PIBF1: variants seen among roughly 807,000 people sequenced by gnomAD.
PIBF1 encodes progesterone immunomodulatory binding factor 1, also known as progesterone-induced-blocking factor 1.
A neutral mutation model predicts 112.5 loss-of-function variants in PIBF1; 90 were observed. The ratio of observed to expected loss-of-function variants is 0.80; its 90% CI spans 0.67 to 0.95. PIBF1 has a LOEUF of 0.95. Ranked by LOEUF, PIBF1 falls within the 40% of genes least tolerant of loss-of-function variation. PIBF1 has a pLI of 0.00. For missense variants in PIBF1, 915 were observed against 852.3 expected, an observed-to-expected ratio of 1.07 and a Z score of -0.92; for synonymous variants, 301 against 288.6, an observed-to-expected ratio of 1.04 and a Z score of -0.44.
At chr13:72,807,178 C>CA (rs35154761) in intron 5 of PIBF1, among the ~76,000 whole-genome samples, 30,777 of 138,328 alleles carry the variant, frequency 0.22, 3,514 homozygotes, top group Non-Finnish European at 0.27. Context: ...GGATAAGAGC[C>CA]AAAAAAAAAA....
intron 3 of PIBF1, among the ~76,000 whole-genome samples, chr13:72,793,005 T>C (rs2035015016): frequency 6.6e-6 from 1 of 152,222 alleles, no homozygotes; most frequent in Non-Finnish European, 1.5e-5. Flanking sequence ...AAATAAATTC[T>C]TTGGAACGAT....
At chr13:72,785,842 T>C (rs1201473619) in intron 2 of PIBF1, among the ~76,000 whole-genome samples, 4 of 152,216 alleles carry the variant, frequency 2.6e-5, no homozygotes, top group African/African-American at 9.6e-5. Flanking sequence ...CAGCCACCTC[T>C]TGTATTATTT....
At chr13:72,871,073 T>C (rs1020371342) in intron 10 of PIBF1, among the ~76,000 whole-genome samples, 5 of 152,124 alleles carry the variant, frequency 3.3e-5, no homozygotes, top group Non-Finnish European at 7.3e-5. Flanking sequence ...GTCCAGATGA[T>C]TGGTAACTAT....
intron 2 of PIBF1, among the ~76,000 whole-genome samples, chr13:72,784,292 A>T (rs1007935645): frequency 7.3e-5 from 11 of 151,172 alleles, no homozygotes; most frequent in African/African-American, 2.7e-4. Flanking sequence ...AAAAAAAAAA[A>T]AAAATTAGCC....
At chr13:73,010,496 G>C (rs948627964) in intron 17 of PIBF1, among the ~76,000 whole-genome samples, 4 of 151,962 alleles carry the variant, frequency 2.6e-5, no homozygotes, top group Non-Finnish European at 2.9e-5. Flanking sequence ...CCAGCTACTC[G>C]GGAGGCTGAG....
chr13:72,800,899 G>T (rs1039721643), intron 5 of PIBF1, among the ~76,000 whole-genome samples: 2 of 152,184 alleles, frequency 1.3e-5, no homozygotes, highest in Admixed American at 1.3e-4. Flanking sequence ...ATTCTGTAAG[G>T]TTGGCTAGTA....
rs898975675 is a variant in PIBF1 at position 72,998,932 on chromosome 13, A to G, written c.2160A>G (p.Ser720=). 2 of 1,612,472 alleles carry G rather than the reference A, an allele frequency of 1.2e-6. No homozygotes were observed. The highest frequency in any genetic ancestry group is 1.7e-6 in the Non-Finnish European group (2 of 1,178,798). ...EPKHVTENQK[S]KTLNVPKEHE... is the part of the protein sequence containing the mutation. ...AACATGTGACAGAAAATCAGAAATC[A>G]AAGACTTTGAATGTGCCTAAAGAGC... The change falls in exon 17 of 18, where the codon TCA becomes TCG. Residue 720 remains serine (S), a synonymous_variant. Transcript: ENST00000326291.
chr13:72,928,484 G>T (rs918760646), intron 13 of PIBF1, among the ~76,000 whole-genome samples: 8 of 152,094 alleles, frequency 5.3e-5, no homozygotes, highest in African/African-American at 1.9e-4. Flanking sequence ...TTGTCCCCCA[G>T]GCTGGAGTGT....
chr13:72,971,953 TAAA>T lies in PIBF1; in HGVS notation c.1965-1626_1965-1624del, dbSNP rs57192140. ...GATTGCCTACTACTGTTTCTTGAAT[TAAA>T]AAAAAAAAAAAGTCTGCCAAATATT... On this transcript the variant is annotated intron_variant, in intron 15 of 17. Coordinates refer to ENST00000326291, the MANE Select transcript of PIBF1 (RefSeq NM_006346.4). Among the ~76,000 whole-genome samples, 70 of 146,636 alleles carry T rather than the reference TAAA, an allele frequency of 4.8e-4. 1 individual carries two copies. The highest frequency in any genetic ancestry group is 3.2e-3 in the Middle Eastern group (1 of 308).
At chr13:72,956,399 G>T (rs1477878044) in intron 14 of PIBF1, among the ~76,000 whole-genome samples, 2 of 151,992 alleles carry the variant, frequency 1.3e-5, no homozygotes, top group Admixed American at 1.3e-4. Flanking sequence ...ACATACATGG[G>T]GGAAGTGGTA....
intron 3 of PIBF1, among the ~76,000 whole-genome samples, chr13:72,794,218 T>G (rs2035078025): frequency 6.6e-6 from 1 of 152,190 alleles, no homozygotes; most frequent in African/African-American, 2.4e-5. Context: ...TCATTTGCAA[T>G]TTAGATGTCA....
At chr13:72,838,762 A>G (rs2037467983) in intron 9 of PIBF1, among the ~76,000 whole-genome samples, 1 of 152,228 alleles carries the variant, frequency 6.6e-6, no homozygotes, top group Non-Finnish European at 1.5e-5. Flanking sequence ...CAGTTTGTCA[A>G]TACGGACTCA....
chr13:72,805,397 C>T (rs1453967932), intron 5 of PIBF1, among the ~76,000 whole-genome samples: 1 of 152,194 alleles, frequency 6.6e-6, no homozygotes, highest in Non-Finnish European at 1.5e-5. Context: ...CCGCCTTGAC[C>T]TCCCAAAGTG....
chr13:73,012,663 G>A lies in PIBF1; in HGVS notation c.2224-3206G>A, dbSNP rs58135016. On this transcript the variant is annotated intron_variant, in intron 17 of 17. Transcript: ENST00000326291. ...CCAGCAACTCGAAGAGCTGAAGTGG[G>A]AGGATCGCTTGAGCCCAGAAGGTCA... Among the ~76,000 whole-genome samples, 687 of 152,022 alleles carry A rather than the reference G, an allele frequency of 4.5e-3. 6 individuals carry two copies. The highest frequency in any genetic ancestry group is 0.015 in the African/African-American group (642 of 41,464).
Position 72,908,426 on chromosome 13 carries a change from A to C in PIBF1, c.1489-105A>C, listed in dbSNP as rs369651327. 2.0e-4 allele frequency: 104 copies of C among 512,802 alleles called. 2 individuals carry two copies. The Middle Eastern group carries it at 4.4e-3, about 21-fold the overall frequency. 31.8% of individuals were successfully genotyped at this position (512,802 alleles called of 1,614,324 possible). ...CTTAATTGAGCTACTTTCTCTTAAT[A>C]TTTAAATAACAAAAAAAGCCCTATG... On this transcript the variant is annotated intron_variant, in intron 11 of 17. Transcript: ENST00000326291.
At chr13:72,907,761 G>A (rs995979381) in intron 11 of PIBF1, among the ~76,000 whole-genome samples, 8 of 152,030 alleles carry the variant, frequency 5.3e-5, no homozygotes, top group African/African-American at 1.4e-4. Context: ...CCATAATTTA[G>A]TCTGTAAAAA....
intron 11 of PIBF1, among the ~76,000 whole-genome samples, chr13:72,906,909 G>A (rs1001840215): frequency 6.6e-6 from 1 of 152,012 alleles, no homozygotes; most frequent in Non-Finnish European, 1.5e-5. Context: ...AGTGGAATTA[G>A]TTTCATCAGC....
At chr13:72,839,218 A>C (rs61966357) in intron 9 of PIBF1, among the ~76,000 whole-genome samples, 6 of 152,216 alleles carry the variant, frequency 3.9e-5, no homozygotes, top group Non-Finnish European at 7.3e-5. Context: ...AGTATCAGTA[A>C]AGATGAGAGA....
At chr13:72,988,896 G>A (rs2043387187) in intron 16 of PIBF1, among the ~76,000 whole-genome samples, 1 of 152,128 alleles carries the variant, frequency 6.6e-6, no homozygotes, top group South Asian at 2.1e-4. Context: ...AAATTAGCCA[G>A]AAGTGGTGGC....
Sources: allele counts gnomAD v4.1 joint callset (sites outside exome capture counted in the v4.1 genomes callset), GRCh38; gene constraint gnomAD v4.1.1; transcripts MANE v1.5; gene names NCBI Gene and HGNC (gene_info 2026-07-23, HGNC 2026-07-21).